The following SYNE1 variants were observed in gnomAD, a reference collection of about 807,000 sequenced individuals.
The protein encoded by SYNE1 is spectrin repeat containing nuclear envelope protein 1.
Under a neutral mutation model 1,111.0 loss-of-function variants are expected in SYNE1, and 616 were observed. The observed-to-expected ratio is 0.55, with a 90% CI of 0.52 to 0.59. SYNE1 has a LOEUF of 0.59. SYNE1 is among the 20% of genes least tolerant of loss of function. SYNE1 has a pLI of 0.00. For synonymous variants in SYNE1, 3,855 were observed against 3,825.8 expected (o/e 1.01, Z -0.28); for missense variants, 10,006 against 10,417.0 (o/e 0.96, Z 1.72).
chr6:152,183,184 T>G (rs895859020), intron 128 of SYNE1, among the ~76,000 whole-genome samples: 3 of 152,184 alleles, frequency 2.0e-5, no homozygotes, highest in African/African-American at 7.2e-5. Flanking sequence ...TTGAGAACTC[T>G]CTGGTGAATA....
chr6:152,336,805 C>T, intron 76 of SYNE1, 36 bp downstream of exon 76: 2 of 1,608,014 alleles, frequency 1.2e-6, no homozygotes, highest in South Asian at 2.2e-5. Flanking sequence ...CTCTGTTGGC[C>T]TCTTTTATCT....
chr6:152,155,622 C>T (rs909871054), intron 132 of SYNE1, among the ~76,000 whole-genome samples: 1 of 152,206 alleles, frequency 6.6e-6, no homozygotes, highest in Non-Finnish European at 1.5e-5. Flanking sequence ...ACTGTTCTCA[C>T]AGCCACACAT....
chr6:152,608,030 T>A (rs2099620886), intron 3 of SYNE1, among the ~76,000 whole-genome samples: 1 of 151,926 alleles, frequency 6.6e-6, no homozygotes, highest in Non-Finnish European at 1.5e-5. Context: ...CTGGGGCCTG[T>A]TGAGGGGTGA....
At chr6:152,492,271 C>T (rs894389769) in intron 11 of SYNE1, among the ~76,000 whole-genome samples, 1 of 152,186 alleles carries the variant, frequency 6.6e-6, no homozygotes, top group African/African-American at 2.4e-5. Flanking sequence ...GATTCTGGCC[C>T]TCAAACCCCA....
At position 152,123,456 on chromosome 6, in the gene SYNE1, A is replaced by G. The variant is rs565455929; in HGVS notation, c.26154-780T>C. Among the ~76,000 whole-genome samples the G allele has an allele frequency of 1.1e-4, 17 of 152,300 alleles. No individual in the cohort carries two copies. In the South Asian group the frequency reaches 3.5e-3, roughly 32 times the overall value. ...TACACTCAAAGTGACAAGTTTTTCT[A>G]TTTCACTTTTATCTTCCTTTTAAAC... On this transcript the variant is annotated intron_variant, in intron 145 of 145. Transcript: ENST00000367255.
rs563740039 is a variant in SYNE1 at position 152,390,160 on chromosome 6, A to G, written c.8177+120T>C. 5.8e-5 allele frequency: 61 copies of G among 1,048,340 alleles called. 1 individual carries two copies. The South Asian group carries it at 8.1e-4, about 14-fold the overall frequency. 64.9% of individuals were successfully genotyped at this position (1,048,340 alleles called of 1,614,324 possible). A position where few individuals can be genotyped will look rare whatever the true frequency, so the allele number is the denominator to read the frequency against. Reference sequence around the variant, plus strand: ...AAACACAACTTAGACAAAGACAGGCATGCCTACAAGCTACAGTAAAATGCT... The same window carrying G: ...AAACACAACTTAGACAAAGACAGGCGTGCCTACAAGCTACAGTAAAATGCT... On this transcript the variant is annotated intron_variant, in intron 53 of 145. Transcript: ENST00000367255.
chr6:152,412,287 G>A (rs1208588115), intron 42 of SYNE1, among the ~76,000 whole-genome samples: 1 of 152,108 alleles, frequency 6.6e-6, no homozygotes, highest in Non-Finnish European at 1.5e-5. Flanking sequence ...AGCTGGGTGT[G>A]GTGGCGGGCA....
At chr6:152,470,260 G>A (rs1289354484) in intron 16 of SYNE1, among the ~76,000 whole-genome samples, 2 of 152,104 alleles carry the variant, frequency 1.3e-5, no homozygotes, top group Non-Finnish European at 2.9e-5. Flanking sequence ...TTAACCTGGT[G>A]GAATAGTCTT....
In SYNE1 at chr6:152,463,433, C is replaced by A; in HGVS notation, c.2017G>T (p.Glu673Ter). The A allele has an allele frequency of 6.2e-7, 1 of 1,613,794 alleles. No individual in the cohort carries two copies. Among genetic ancestry groups the A allele is most frequent in the Non-Finnish European group, 8.5e-7 (1 of 1,179,776 alleles). The change falls in exon 19 of 146, where the codon GAG becomes TAG. Residue 673 changes from glutamate (E) to a stop codon, truncating the protein, a stop_gained. Transcript: ENST00000367255. LOFTEE classifies it high-confidence loss of function. ...AGNFLIETCD[E>*]MVSRDLKQQL... ...TGCTTCAGGTCACGGGAAACCATCT[C>A]ATCACAGGTTTCAATTAGAAAATTG...
intron 119 of SYNE1, 92 bp downstream of exon 119, chr6:152,220,750 G>C (rs1385196588): frequency 8.4e-7 from 1 of 1,196,490 alleles, no homozygotes; most frequent in East Asian, 2.3e-5. Context: ...GTCTCACATA[G>C]AAAGACATAC....
At position 152,391,415 on chromosome 6, in the gene SYNE1, G is replaced by A. The variant is rs1473302680; in HGVS notation, c.7866C>T (p.Ala2622=). 6 of 1,613,874 alleles carry A rather than the reference G, an allele frequency of 3.7e-6. No individual in the cohort carries two copies. The highest frequency in any genetic ancestry group is 5.1e-6 in the Non-Finnish European group (6 of 1,179,956). ...TKEKLRSCQV[A]LQEHEALEEA... is the part of the protein sequence containing the mutation. Reference sequence around the variant, plus strand: ...CCTCCAGGGCTTCGTGCTCCTGAAGGGCCACCTGGCAGCTCCGGAGTTTCT... The same window carrying A: ...CCTCCAGGGCTTCGTGCTCCTGAAGAGCCACCTGGCAGCTCCGGAGTTTCT... Residue 2622 remains alanine (A), a synonymous_variant, in exon 52 of 146, where the codon GCC becomes GCT. Coordinates refer to ENST00000367255, the MANE Select transcript of SYNE1 (RefSeq NM_182961.4).
At chr6:152,465,227 C>A (rs767068288) in intron 18 of SYNE1, 31 bp downstream of exon 18, 12 of 1,610,076 alleles carry the variant, frequency 7.5e-6, no homozygotes, top group Middle Eastern at 1.6e-4. Context: ...ATACATCAAA[C>A]GTCTTTTCTT....
At chr6:152,217,288 C>T (rs1425353471) in intron 121 of SYNE1, among the ~76,000 whole-genome samples, 4 of 141,236 alleles carry the variant, frequency 2.8e-5, no homozygotes, top group South Asian at 2.3e-4. Flanking sequence ...CCTAACTACT[C>T]GGGAGGCTGA....
chr6:152,595,234 T>TA (rs1323240505), intron 3 of SYNE1, among the ~76,000 whole-genome samples: 4 of 152,204 alleles, frequency 2.6e-5, no homozygotes, highest in Non-Finnish European at 4.4e-5. Flanking sequence ...CATAAACACA[T>TA]ATCCTCACCC....
At chr6:152,414,430 C>T (rs1266726937) in intron 41 of SYNE1, among the ~76,000 whole-genome samples, 1 of 151,844 alleles carries the variant, frequency 6.6e-6, no homozygotes, top group Non-Finnish European at 1.5e-5. Context: ...AAAGTGGCCA[C>T]AAAGAGGCAG....
rs1317517089 is a variant in SYNE1, at chr6:152,415,813, AAAG to A, written c.6050+571_6050+573del. Among the ~76,000 whole-genome samples the A allele has an allele frequency of 1.1e-3, 172 of 150,392 alleles. 1 individual carries two copies. Among genetic ancestry groups the A allele is most frequent in the African/African-American group, 4.0e-3 (163 of 40,824 alleles). On this transcript the variant is annotated intron_variant, in intron 41 of 145. Coordinates refer to ENST00000367255, the MANE Select transcript of SYNE1 (RefSeq NM_182961.4). ...GTAAAAAAAAAAAAAAAAAAAAAAA[AAAG>A]AAGAGGAAGAAGAAATTGCTAAATA... is the stretch of plus-strand genomic sequence containing the variant.
chr6:152,256,746 C>T lies in SYNE1; in HGVS notation c.18992G>A (p.Arg6331Gln), dbSNP rs761642282. The T allele has an allele frequency of 6.2e-6, 10 of 1,613,786 alleles. No homozygotes were observed. Among genetic ancestry groups the T allele is most frequent in the Admixed American group, 3.3e-5 (2 of 60,018 alleles). The change falls in exon 102 of 146, where the codon CGA (arginine) becomes CAA (glutamine). Residue 6331 changes from arginine (R) to glutamine (Q), a missense_variant. Transcript: ENST00000367255. ...GTACAGTGGCACACCAGACAAGAGTCGATTTGGCCTGCTATAAAGCTGTAG... is the reference window on the plus strand; with the variant it reads ...GTACAGTGGCACACCAGACAAGAGTTGATTTGGCCTGCTATAAAGCTGTAG... ...QEQVLYSRPN[R>Q]LLSGVPLYKG...
intron 45 of SYNE1, chr6:152,405,036 A>C (rs992932551): frequency 2.6e-5 from 4 of 152,294 alleles, no homozygotes; most frequent in Non-Finnish European, 4.4e-5. Flanking sequence ...GAATTTCCTT[A>C]CTGGAAGACG....
chr6:152,444,378 C>T, intron 30 of SYNE1, 33 bp downstream of exon 30: 2 of 1,610,352 alleles, frequency 1.2e-6, no homozygotes, highest in Non-Finnish European at 1.7e-6. Context: ...ATCAACTTTA[C>T]ATAATCTTGT....
Sources: gnomAD v4.1 joint callset for allele counts (sites outside exome capture counted in the v4.1 genomes callset) on GRCh38, gnomAD v4.1.1 for gene constraint, MANE v1.5 for transcripts, NCBI Gene and HGNC (gene_info 2026-07-23, HGNC 2026-07-21) for gene names.